The following UNC5D variants were observed in gnomAD, a reference collection of about 807,000 sequenced individuals.
UNC5D encodes unc-5 netrin receptor D.
Under a neutral mutation model 105.4 loss-of-function variants are expected in UNC5D, and 39 were observed. The ratio of observed to expected loss-of-function variants is 0.37; its 90% confidence interval spans 0.29 to 0.48. The LOEUF is 0.48. Ranked by LOEUF, UNC5D falls within the 20% of genes least tolerant of loss-of-function variation. The pLI is 0.98. For missense variants in UNC5D, 991 were observed against 1,202.4 expected (o/e 0.82, Z 2.60); for synonymous variants, 452 against 450.4 (o/e 1.00, Z -0.04).
intron 1 of UNC5D, among the ~76,000 whole-genome samples, chr8:35,442,935 C>CAA (rs368875383): frequency 2.1e-5 from 3 of 144,682 alleles, no homozygotes; most frequent in South Asian, 2.2e-4. Flanking sequence ...CACACACACA[C>CAA]AACACACACA....
At chr8:35,507,213 G>A (rs902335898) in intron 1 of UNC5D, among the ~76,000 whole-genome samples, 3 of 150,500 alleles carry the variant, frequency 2.0e-5, no homozygotes, top group Non-Finnish European at 2.9e-5. Context: ...CCGCCACTAC[G>A]CCCGGCTAAA....
rs1339138456 is a variant in UNC5D at position 35,305,577 on chromosome 8, T to TTCTCTTTC, written c.103+69691_103+69692insCTCTTTCT. ...TCTCTTCCTTCCTTTCTTTCTTTCT[T>TTCTCTTTC]TTTCTTTCTTTCTTTCTTTCTTTCT... On this transcript the variant is annotated intron_variant, in intron 1 of 16. Coordinates refer to ENST00000404895, the MANE Select transcript of UNC5D (RefSeq NM_080872.4). Among the ~76,000 whole-genome samples the TTCTCTTTC allele has an allele frequency of 2.2e-3, 117 of 54,026 alleles. 1 individual carries two copies. The highest frequency in any genetic ancestry group is 7.1e-3 in the African/African-American group (108 of 15,280). 35.4% of individuals were successfully genotyped at this position (54,026 alleles called of 152,430 possible). A position where few individuals can be genotyped will look rare whatever the true frequency, so the allele number is the denominator to read the frequency against.
chr8:35,584,216 T>C (rs1344164692), intron 3 of UNC5D, among the ~76,000 whole-genome samples: 1 of 152,122 alleles, frequency 6.6e-6, no homozygotes, highest in African/African-American at 2.4e-5. Flanking sequence ...CAGGTGGCAG[T>C]GGCCCTGAGA....
At chr8:35,249,650 G>A (rs1803559415) in intron 1 of UNC5D, among the ~76,000 whole-genome samples, 1 of 151,630 alleles carries the variant, frequency 6.6e-6, no homozygotes, top group African/African-American at 2.4e-5. Flanking sequence ...GCAGTTCTGA[G>A]TTTCTTTTAA....
At chr8:35,783,167 CAT>C (rs1034873436) in intron 16 of UNC5D, among the ~76,000 whole-genome samples, 3 of 151,368 alleles carry the variant, frequency 2.0e-5, no homozygotes, top group Non-Finnish European at 2.9e-5. Flanking sequence ...AAAAAAGAGT[CAT>C]ATGTAAGTAA....
intron 4 of UNC5D, among the ~76,000 whole-genome samples, chr8:35,656,900 C>T (rs1823770575): frequency 6.6e-6 from 1 of 151,616 alleles, no homozygotes; most frequent in Admixed American, 6.6e-5. Context: ...ATAATGTACA[C>T]ATAGACACAC....
intron 6 of UNC5D, among the ~76,000 whole-genome samples, chr8:35,686,115 C>T (rs996446406): frequency 8.5e-5 from 13 of 152,166 alleles, no homozygotes; most frequent in African/African-American, 3.1e-4. Flanking sequence ...TGTTTAGGGG[C>T]TTCTAGGGCT....
chr8:35,421,261 T>G (rs992204661), intron 1 of UNC5D, among the ~76,000 whole-genome samples: 1 of 152,196 alleles, frequency 6.6e-6, no homozygotes, highest in African/African-American at 2.4e-5. Context: ...TGAAATGGCA[T>G]GGGCTGAGGT....
intron 4 of UNC5D, among the ~76,000 whole-genome samples, chr8:35,670,404 T>C (rs1192474374): frequency 6.6e-6 from 1 of 152,188 alleles, no homozygotes; most frequent in Admixed American, 6.5e-5. Flanking sequence ...AAGACACATG[T>C]ACATGTATGT....
At chr8:35,481,589 G>C (rs2579882) in intron 1 of UNC5D, among the ~76,000 whole-genome samples, 1 of 151,906 alleles carries the variant, frequency 6.6e-6, no homozygotes. Context: ...TGCTTCCCTC[G>C]CTGTTACATC....
In UNC5D at chr8:35,503,747, C is replaced by T. The variant is rs182241921; in HGVS notation, c.104-45545C>T. On this transcript the variant is annotated intron_variant, in intron 1 of 16. Coordinates refer to ENST00000404895, the MANE Select transcript of UNC5D (RefSeq NM_080872.4). Reference sequence around the variant, plus strand: ...GGGAGTTAGAATTTTAATTCCCACTCCTGGTGTTGCTCCCTCTGAATCATC... The same window carrying T: ...GGGAGTTAGAATTTTAATTCCCACTTCTGGTGTTGCTCCCTCTGAATCATC... Among the ~76,000 whole-genome samples the T allele has an allele frequency of 5.9e-5, 9 of 152,272 alleles. 1 individual carries two copies. The highest frequency in any genetic ancestry group is 5.2e-4 in the Admixed American group (8 of 15,298).
chr8:35,319,732 G>T (rs982244413), intron 1 of UNC5D, among the ~76,000 whole-genome samples: 1 of 151,962 alleles, frequency 6.6e-6, no homozygotes, highest in Admixed American at 6.6e-5. Context: ...AATACAATAT[G>T]GTCCTCCAGA....
Position 35,489,124 on chromosome 8 carries a change from A to C in UNC5D, c.104-60168A>C, listed in dbSNP as rs191350591. On this transcript the variant is annotated intron_variant, in intron 1 of 16. Transcript: ENST00000404895. ...CAGGTTCAAGCAATTCTCTTGCTTC[A>C]GCCTCCCAAGTAGCTGGGACTACAA... Among the ~76,000 whole-genome samples the C allele has an allele frequency of 5.0e-3, 760 of 151,600 alleles. 7 individuals are homozygous for C. Among genetic ancestry groups the C allele is most frequent in the African/African-American group, 0.017 (687 of 41,284 alleles).
At chr8:35,501,100 G>A (rs184499100) in intron 1 of UNC5D, among the ~76,000 whole-genome samples, 1 of 152,286 alleles carries the variant, frequency 6.6e-6, no homozygotes, top group Admixed American at 6.5e-5. Context: ...AATACCTCAT[G>A]TCTGACTGAC....
intron 11 of UNC5D, among the ~76,000 whole-genome samples, chr8:35,736,824 T>A (rs1381207955): frequency 1.3e-5 from 2 of 151,942 alleles, no homozygotes; most frequent in Non-Finnish European, 2.9e-5. Context: ...AAAGGAAGAG[T>A]GACAGGGAAT....
rs1340819937 is a variant in UNC5D, at chr8:35,597,303, A to G, written c.570+1646A>G. Among the ~76,000 whole-genome samples the G allele has an allele frequency of 6.6e-5, 10 of 152,192 alleles. 1 individual carries two copies. Among genetic ancestry groups the G allele is most frequent in the Admixed American group, 6.5e-4 (10 of 15,282 alleles). On this transcript the variant is annotated intron_variant, in intron 4 of 16. Transcript: ENST00000404895. ...TGCTTATTTAAAAATTTTTTATTGA[A>G]TGTCAAACAAAAAAGATATTGATCT...
intron 1 of UNC5D, among the ~76,000 whole-genome samples, chr8:35,385,882 A>G (rs1803363910): frequency 6.6e-6 from 1 of 152,176 alleles, no homozygotes; most frequent in Non-Finnish European, 1.5e-5. Flanking sequence ...TTCATGGTTC[A>G]CAATAATTTC....
intron 9 of UNC5D, among the ~76,000 whole-genome samples, chr8:35,725,381 A>G (rs1828805363): frequency 6.6e-6 from 1 of 152,172 alleles, no homozygotes; most frequent in African/African-American, 2.4e-5. Flanking sequence ...GCCCCAGCAG[A>G]TGACAAAGCC....
chr8:35,609,859 G>A (rs1290949755), intron 4 of UNC5D, among the ~76,000 whole-genome samples: 1 of 152,122 alleles, frequency 6.6e-6, no homozygotes, highest in African/African-American at 2.4e-5. Flanking sequence ...GTATCAGCTG[G>A]CTTTGTCTCT....
Sources: allele counts gnomAD v4.1 joint callset (sites outside exome capture counted in the v4.1 genomes callset), GRCh38; gene constraint gnomAD v4.1.1; transcripts MANE v1.5; gene names NCBI Gene and HGNC (gene_info 2026-07-23, HGNC 2026-07-21).